Variants in GNG12 observed in about 807,000 individuals in gnomAD.
GNG12 encodes the protein G protein subunit gamma 12, also known as guanine nucleotide-binding protein G(I)/G(S)/G(O) subunit gamma-12.
For missense variants in GNG12, 69 were observed against 83.8 expected (o/e 0.82, Z 0.69); for synonymous variants, 28 against 29.7 (o/e 0.94, Z 0.19).
intron 2 of GNG12, chr1:67,772,612 G>C (rs113319706): frequency 1.8e-4 from 28 of 152,148 alleles, no homozygotes; most frequent in Admixed American, 5.9e-4. Flanking sequence ...CCAGTGAAAA[G>C]AGGAAACCTG....
At chr1:67,728,642 G>T (rs1043036953) in intron 2 of GNG12, among the ~76,000 whole-genome samples, 2 of 152,186 alleles carry the variant, frequency 1.3e-5, no homozygotes, top group African/African-American at 2.4e-5. Context: ...ACGGGGAAGG[G>T]AGACGGGTCA....
chr1:67,714,567 C>T (rs1456940532), intron 2 of GNG12, among the ~76,000 whole-genome samples: 1 of 152,206 alleles, frequency 6.6e-6, no homozygotes, highest in Non-Finnish European at 1.5e-5. Flanking sequence ...CATCCTCTTA[C>T]ACACTGTGTG....
At position 67,704,485 on chromosome 1, in the gene GNG12, G is replaced by C. The variant is rs899102809; in HGVS notation, c.*966C>G. On this transcript the variant is annotated 3_prime_UTR_variant, in exon 4 of 4. Coordinates refer to ENST00000370982, the MANE Select transcript of GNG12 (RefSeq NM_018841.6). ...CAAAGCTGGGACAAGGAGAGCAGCT[G>C]TTTTTCACACATTCCTGCTCCTCTC... 6.6e-6 allele frequency: 1 copy of C among 152,550 alleles called. No individual in the cohort carries two copies. The highest frequency in any genetic ancestry group is 1.5e-5 in the Non-Finnish European group (1 of 68,070). 9.4% of individuals were successfully genotyped at this position (152,550 alleles called of 1,614,324 possible). A position where few individuals can be genotyped will look rare whatever the true frequency, so the allele number is the denominator to read the frequency against.
intron 2 of GNG12, among the ~76,000 whole-genome samples, chr1:67,729,840 G>A (rs1646408835): frequency 6.6e-6 from 1 of 152,226 alleles, no homozygotes; most frequent in Non-Finnish European, 1.5e-5. Context: ...GCTGCTGCAA[G>A]CTACCATAGA....
intron 2 of GNG12, among the ~76,000 whole-genome samples, chr1:67,740,731 T>C (rs1646478446): frequency 6.6e-6 from 1 of 152,218 alleles, no homozygotes; most frequent in African/African-American, 2.4e-5. Flanking sequence ...GTGGGATTAA[T>C]GCCCTTATAA....
At chr1:67,785,590 C>T (rs777451288) in intron 1 of GNG12, among the ~76,000 whole-genome samples, 26 of 152,000 alleles carry the variant, frequency 1.7e-4, no homozygotes, top group Admixed American at 4.6e-4. Flanking sequence ...AGCACTCGTT[C>T]GATGTTTTAC....
At chr1:67,784,623 T>G (rs1646757442) in intron 1 of GNG12, among the ~76,000 whole-genome samples, 1 of 152,168 alleles carries the variant, frequency 6.6e-6, no homozygotes, top group South Asian at 2.1e-4. Context: ...AATTTTATAT[T>G]TTTTGGTTAT....
intron 1 of GNG12, among the ~76,000 whole-genome samples, chr1:67,804,072 AG>A (rs1431756231): frequency 6.6e-6 from 1 of 152,194 alleles, no homozygotes; most frequent in Admixed American, 6.5e-5. Flanking sequence ...AGCAGGTTAA[AG>A]GTTGTGGTCA....
chr1:67,713,337 T>C (rs1446121765), intron 2 of GNG12, among the ~76,000 whole-genome samples: 2 of 152,250 alleles, frequency 1.3e-5, no homozygotes, highest in African/African-American at 2.4e-5. Flanking sequence ...TAAACACATG[T>C]AGTATTTAGC....
chr1:67,777,254 C>T (rs1175666763), intron 2 of GNG12: 1 of 152,148 alleles, frequency 6.6e-6, no homozygotes. Context: ...GGATCTTTAT[C>T]CTGCCCATGG....
chr1:67,763,751 AC>A (rs1646620224), intron 2 of GNG12, among the ~76,000 whole-genome samples: 2 of 150,738 alleles, frequency 1.3e-5, no homozygotes, highest in African/African-American at 2.4e-5. Context: ...TTCCAAATCC[AC>A]CCCCCTCCCA....
At chr1:67,773,612 G>A (rs1646686989) in intron 2 of GNG12, among the ~76,000 whole-genome samples, 1 of 152,132 alleles carries the variant, frequency 6.6e-6, no homozygotes, top group Non-Finnish European at 1.5e-5. Flanking sequence ...ATGGAGCAAG[G>A]GAAGAGGATC....
chr1:67,801,911 A>T (rs563858538), intron 1 of GNG12, among the ~76,000 whole-genome samples: 40 of 147,776 alleles, frequency 2.7e-4, no homozygotes, highest in Non-Finnish European at 5.1e-4. Context: ...AAAGTGGAAG[A>T]AAAGGGAGGA....
chr1:67,774,764 T>C (rs1168702644), intron 2 of GNG12, among the ~76,000 whole-genome samples: 1 of 152,216 alleles, frequency 6.6e-6, no homozygotes, highest in East Asian at 1.9e-4. Flanking sequence ...GGCTTGACTG[T>C]ATGTTGTCAA....
At chr1:67,772,030 A>G (rs986987920) in intron 2 of GNG12, among the ~76,000 whole-genome samples, 1 of 152,226 alleles carries the variant, frequency 6.6e-6, no homozygotes, top group Admixed American at 6.5e-5. Flanking sequence ...AGGAATGTGT[A>G]AGATTAAGCT....
intron 2 of GNG12, among the ~76,000 whole-genome samples, chr1:67,717,077 GGCCCACAGA>G (rs1300921357): frequency 6.6e-6 from 1 of 152,080 alleles, no homozygotes; most frequent in Non-Finnish European, 1.5e-5. Flanking sequence ...GCTGGAGAAG[GGCCCACAGA>G]TCTGTATTCA....
At chr1:67,768,465 TA>T (rs374961848) in intron 2 of GNG12, among the ~76,000 whole-genome samples, 2,505 of 151,538 alleles carry the variant, frequency 0.017, 81 homozygotes, top group African/African-American at 0.058. Context: ...CCTATTTGAT[TA>T]AAAAAAAACA....
chr1:67,814,091 C>T (rs1646940741), intron 1 of GNG12, among the ~76,000 whole-genome samples: 1 of 151,978 alleles, frequency 6.6e-6, no homozygotes, highest in African/African-American at 2.4e-5. Context: ...CTACATGAGC[C>T]CCCTTTTTAA....
In GNG12 at chr1:67,794,197, T is replaced by C. The variant is rs115013348; in HGVS notation, c.-76-16690A>G. Among the ~76,000 whole-genome samples the C allele has an allele frequency of 2.8e-3, 421 of 152,286 alleles. 1 individual carries two copies. The highest frequency in any genetic ancestry group is 1.0e-2 in the African/African-American group (415 of 41,572). ...TTGTGAAAATGTGGCCAACCTAAGG[T>C]TGTCCATCCACCAGAGAGTCCTCAA... is the stretch of plus-strand genomic sequence containing the variant. On this transcript the variant is annotated intron_variant, in intron 1 of 3. Coordinates refer to ENST00000370982, the MANE Select transcript of GNG12 (RefSeq NM_018841.6).
Sources: allele counts gnomAD v4.1 joint callset (sites outside exome capture counted in the v4.1 genomes callset), GRCh38; gene constraint gnomAD v4.1.1; transcripts MANE v1.5; gene names NCBI Gene and HGNC (gene_info 2026-07-23, HGNC 2026-07-21).